NUP205: variants seen among roughly 807,000 people sequenced by gnomAD.
NUP205 encodes the protein nuclear pore complex protein Nup205.
In NUP205, 76 loss-of-function variants were observed where a neutral mutation model predicts 253.8. The observed-to-expected ratio is 0.30, with a 90% CI of 0.25 to 0.36. The LOEUF is 0.36. Among genes scored for constraint, NUP205 ranks in the 10% least tolerant of loss-of-function variants. NUP205 has a pLI of 1.00. For synonymous variants in NUP205, 832 were observed against 850.1 expected (o/e 0.98, Z 0.37); for missense variants, 2,162 against 2,425.5 (o/e 0.89, Z 2.28).
intron 34 of NUP205, among the ~76,000 whole-genome samples, 156 bp downstream of exon 34, chr7:135,628,267 T>G (rs1009976105): frequency 2.0e-5 from 3 of 152,108 alleles, no homozygotes; most frequent in African/African-American, 7.2e-5. Flanking sequence ...TACTTTGTTC[T>G]TAACTACATT....
intron 10 of NUP205, 33 bp from the exon 11 acceptor site, chr7:135,591,417 A>G (rs776448122): frequency 7.5e-6 from 12 of 1,601,826 alleles, no homozygotes; most frequent in Middle Eastern, 1.7e-4. Flanking sequence ...TAAGATATAC[A>G]TTATATAAAC....
At chr7:135,589,106 G>A (rs1446890201) in intron 10 of NUP205, among the ~76,000 whole-genome samples, 5 of 150,214 alleles carry the variant, frequency 3.3e-5, no homozygotes, top group Non-Finnish European at 1.5e-5. Flanking sequence ...GGGGTTTGAG[G>A]TTACAGTGAG....
At position 135,567,124 on chromosome 7, in the gene NUP205, GTGTGTATA is replaced by G. The variant is rs1353225686; in HGVS notation, c.29-3979_29-3972del. Among the ~76,000 whole-genome samples, 203 of 24,218 alleles carry G rather than the reference GTGTGTATA, an allele frequency of 8.4e-3. 16 individuals are homozygous for G. The highest frequency in any genetic ancestry group is 0.02 in the South Asian group (9 of 448). 15.9% of individuals were successfully genotyped at this position (24,218 alleles called of 152,430 possible). On this transcript the variant is annotated intron_variant, in intron 1 of 42. Transcript: ENST00000285968. ...ATTCTGTCTGTCTTGCTCAGTCTAT[GTGTGTATA>G]TATATATATATATATATATATATAT...
chr7:135,601,378 A>G lies in NUP205; in HGVS notation c.2383A>G (p.Ile795Val), dbSNP rs767187787. 6.8e-6 allele frequency: 11 copies of G among 1,612,448 alleles called. No homozygotes were observed. The highest frequency in any genetic ancestry group is 6.6e-5 in the South Asian group (6 of 90,794). The change falls in exon 17 of 43, where the codon ATC becomes GTC. Residue 795 changes from isoleucine to valine, a missense_variant. By Grantham distance (29) the Ile-to-Val change is conservative. This residue lies in a region of NUP205 where 892 missense variants were observed against 957.1 expected (regional missense o/e 0.93). Transcript: ENST00000285968. ...DQFVELQGEE[I>V]IAYKPPGFSL... Reference sequence around the variant, plus strand: ...TGTTATGTTCTATTTAGGAGAAGAAATCATAGCCTATAAGCCACCTGGATT... The same window carrying G: ...TGTTATGTTCTATTTAGGAGAAGAAGTCATAGCCTATAAGCCACCTGGATT...
At chr7:135,576,006 G>GT (rs1256217895) in intron 3 of NUP205, among the ~76,000 whole-genome samples, 1 of 152,184 alleles carries the variant, frequency 6.6e-6, no homozygotes, top group Non-Finnish European at 1.5e-5. Context: ...GAAATCACAG[G>GT]TAAGTGTGAG....
intron 38 of NUP205, among the ~76,000 whole-genome samples, chr7:135,638,898 A>G (rs568727624): frequency 2.6e-5 from 4 of 152,312 alleles, no homozygotes; most frequent in African/African-American, 9.6e-5. Flanking sequence ...ACTGAGAGTA[A>G]ATCTAGAGGA....
rs112217993 is a variant in NUP205, at chr7:135,631,906, C to T, written c.5059+1436C>T. ...CTGGGACTACAGGCGCCCGCCACCA[C>T]GCCTGGCTAATTTTTTGTATTTTTA... On this transcript the variant is annotated intron_variant, in intron 35 of 42. Transcript: ENST00000285968. Among the ~76,000 whole-genome samples the T allele has an allele frequency of 5.9e-3, 890 of 152,136 alleles. 14 individuals are homozygous for T. The highest frequency in any genetic ancestry group is 0.051 in the East Asian group (264 of 5,156).
chr7:135,622,845 A>G lies in NUP205; in HGVS notation c.4399A>G (p.Ile1467Val). The change falls in exon 31 of 43, where the codon ATA (isoleucine) becomes GTA (valine). Residue 1467 changes from isoleucine to valine, a missense_variant. Ile to Val is a conservative substitution (Grantham distance 29). Around this residue, in one of 5 missense-constraint regions of NUP205, gnomAD observed 1,144 missense variants for 1,280.9 expected, o/e 0.89. Transcript: ENST00000285968. ...ATTTAGCAAATTACAGCGAGAAAAC[A>G]TAGCCATTATTGAAAGTTATGGCGC... ...DVFSKLQREN[I>V]AIIESYGAAL... 1 of 1,614,176 alleles carries G rather than the reference A, an allele frequency of 6.2e-7. No individual in the cohort carries two copies. The highest frequency in any genetic ancestry group is 8.5e-7 in the Non-Finnish European group (1 of 1,180,012).
At position 135,617,096 on chromosome 7, in the gene NUP205, G is replaced by A. The variant is rs748243699; in HGVS notation, c.3539G>A (p.Arg1180Gln). 1.2e-5 allele frequency: 19 copies of A among 1,605,990 alleles called. No individual in the cohort carries two copies. The highest frequency in any genetic ancestry group is 8.9e-5 in the South Asian group (8 of 89,584). The part of the protein sequence containing the change: ...LHFDTATKVR[R>Q]KILNILDSID... The stretch of plus-strand genomic sequence containing the variant: ...TACTTTTTATTATTTCTAGTACGTC[G>A]AAAAATTCTAAATATTCTTGACTCG... Residue 1180 changes from arginine to glutamine, a missense_variant, in exon 26 of 43, where the codon CGA (arginine) becomes CAA (glutamine). Transcript: ENST00000285968.
At chr7:135,618,301 G>C (rs1457105388) in intron 27 of NUP205, 111 bp from the exon 28 acceptor site, 2 of 823,764 alleles carry the variant, frequency 2.4e-6, no homozygotes, top group African/African-American at 3.4e-5. Context: ...AAAGATACCT[G>C]CTTCCTGGCA....
intron 1 of NUP205, among the ~76,000 whole-genome samples, chr7:135,570,294 A>G (rs1359896543): frequency 2.0e-5 from 3 of 151,784 alleles, no homozygotes; most frequent in East Asian, 3.9e-4. Context: ...GCTCACTGCA[A>G]CCTCCGCCTC....
In NUP205 at chr7:135,617,505, ACCTTTC is replaced by A. The variant is rs913833794; in HGVS notation, c.3691-91_3691-86del. On this transcript the variant is annotated intron_variant, in intron 26 of 42. Transcript: ENST00000285968. ...TAGATTATATATAAAGGTATCTGAC[ACCTTTC>A]CCTTTAGGGCAGTTTATGGTAATTG... is the stretch of plus-strand genomic sequence containing the variant. 3.3e-5 allele frequency: 29 copies of A among 887,048 alleles called. No individual in the cohort carries two copies. In the African/African-American group the frequency reaches 4.7e-4, roughly 14 times the overall value. The allele number at this position is 887,048 out of a possible 1,614,324, so 54.9% of individuals were successfully genotyped here.
rs147320521 is a variant in NUP205 at position 135,625,395 on chromosome 7, G to A, written c.4671+40G>A. ...ACATTTGATGTTAGATCAAGAAGTC[G>A]TTTTCTCTTGGCTATAGATGTATTA... On this transcript the variant is annotated intron_variant, in intron 32 of 42. Coordinates refer to ENST00000285968, the MANE Select transcript of NUP205 (RefSeq NM_015135.3). The A allele has an allele frequency of 2.7e-5, 40 of 1,458,726 alleles. No homozygotes were observed. The South Asian group carries it at 3.5e-4, about 13-fold the overall frequency. 90.4% of individuals were successfully genotyped at this position (1,458,726 alleles called of 1,614,324 possible).
chr7:135,632,747 G>A (rs1258847493), intron 35 of NUP205, among the ~76,000 whole-genome samples: 2 of 151,838 alleles, frequency 1.3e-5, no homozygotes, highest in African/African-American at 4.8e-5. Context: ...CTCTACTAAG[G>A]TCCTGTAGTG....
intron 7 of NUP205, among the ~76,000 whole-genome samples, chr7:135,583,658 G>A (rs1806371389): frequency 6.6e-6 from 1 of 151,948 alleles, no homozygotes; most frequent in African/African-American, 2.4e-5. Context: ...TACTTGGGTG[G>A]CTGAGGCCTG....
chr7:135,617,937 T>C (rs1318863772), intron 27 of NUP205, among the ~76,000 whole-genome samples: 1 of 151,624 alleles, frequency 6.6e-6, no homozygotes, highest in Admixed American at 6.6e-5. Flanking sequence ...TAGACTTCAC[T>C]TGGTCCCCAT....
intron 10 of NUP205, 60 bp from the exon 11 acceptor site, chr7:135,591,390 C>A (rs1806624620): frequency 3.5e-6 from 5 of 1,440,636 alleles, no homozygotes; most frequent in Non-Finnish European, 4.9e-6. Context: ...ATTAGCTAGT[C>A]CGTGTTGCCT....
intron 5 of NUP205, 146 bp downstream of exon 5, chr7:135,577,274 AT>A: frequency 1.3e-6 from 1 of 743,056 alleles, no homozygotes; most frequent in Non-Finnish European, 2.2e-6. Flanking sequence ...TGCTTTTATT[AT>A]TTTTCATTGA....
intron 35 of NUP205, among the ~76,000 whole-genome samples, chr7:135,634,384 G>A (rs1321292281): frequency 6.6e-6 from 1 of 152,168 alleles, no homozygotes; most frequent in African/African-American, 2.4e-5. Flanking sequence ...GTGAACTTTG[G>A]AACAGCAATA....
Sources: allele counts gnomAD v4.1 joint callset (sites outside exome capture counted in the v4.1 genomes callset), GRCh38; gene constraint gnomAD v4.1.1; regional missense constraint gnomAD v4.1.1; transcripts MANE v1.5; gene names NCBI Gene and HGNC (gene_info 2026-07-23, HGNC 2026-07-21).